TMEM232: variants seen among roughly 807,000 people sequenced by gnomAD.
The protein encoded by TMEM232 is transmembrane protein 232.
Under a neutral mutation model 78.8 loss-of-function variants are expected in TMEM232, and 80 were observed. That is an observed-to-expected ratio of 1.01 (90% confidence interval 0.85 to 1.22). The LOEUF is 1.22. Among genes scored for constraint, TMEM232 ranks in the 50% most tolerant of loss-of-function variants. TMEM232 has a pLI of 0.00. For synonymous variants in TMEM232, 297 were observed against 254.3 expected (o/e 1.17, Z -1.60); for missense variants, 881 against 742.2 (o/e 1.19, Z -2.17).
chr5:110,480,828 T>C (rs1413982771), intron 12 of TMEM232, among the ~76,000 whole-genome samples: 1 of 152,080 alleles, frequency 6.6e-6, no homozygotes, highest in Non-Finnish European at 1.5e-5. Flanking sequence ...ACAAGAAACA[T>C]AAATATCAAC....
At chr5:110,705,064 T>C (rs936285760) in intron 1 of TMEM232, among the ~76,000 whole-genome samples, 1 of 152,134 alleles carries the variant, frequency 6.6e-6, no homozygotes, top group Non-Finnish European at 1.5e-5. Flanking sequence ...TGAAAAGCCT[T>C]TTGGCATATC....
intron 12 of TMEM232, among the ~76,000 whole-genome samples, chr5:110,484,285 G>A (rs906172416): frequency 1.3e-5 from 2 of 151,922 alleles, no homozygotes; most frequent in Non-Finnish European, 2.9e-5. Context: ...ACCTGCACAC[G>A]TAGCCCCTGA....
intron 10 of TMEM232, among the ~76,000 whole-genome samples, chr5:110,575,525 T>C (rs1777473367): frequency 6.6e-6 from 1 of 152,064 alleles, no homozygotes; most frequent in South Asian, 2.1e-4. Flanking sequence ...GTGGCCAAGA[T>C]GGCTGACTAG....
In TMEM232 at chr5:110,500,016, G is replaced by T. The variant is rs191840821; in HGVS notation, c.1703+28572C>A. 4.6e-3 allele frequency among the ~76,000 whole-genome samples: 707 copies of T among 152,218 alleles called. 8 individuals carry two copies. The highest frequency in any genetic ancestry group is 5.1e-3 in the Non-Finnish European group (348 of 68,014). ...TTTTAAAGGTTTAATTATTGGCCAG[G>T]CGCGGTGGCTCACGCCTGTAATCCC... On this transcript the variant is annotated intron_variant, in intron 12 of 13. Coordinates refer to ENST00000455884, the MANE Select transcript of TMEM232 (RefSeq NM_001039763.4).
chr5:110,651,549 G>C (rs1216718792), intron 2 of TMEM232, among the ~76,000 whole-genome samples: 1 of 152,018 alleles, frequency 6.6e-6, no homozygotes, highest in Non-Finnish European at 1.5e-5. Context: ...AGTTCTCTCA[G>C]GGTATTTAAA....
chr5:110,405,426 A>T (rs1307373377), intron 2 of TMEM232, among the ~76,000 whole-genome samples: 1 of 152,058 alleles, frequency 6.6e-6, no homozygotes, highest in Non-Finnish European at 1.5e-5. Context: ...CCCATCACCA[A>T]GAAAAAAAGT....
chr5:110,541,637 T>C (rs946990571), intron 11 of TMEM232, among the ~76,000 whole-genome samples: 12 of 152,110 alleles, frequency 7.9e-5, no homozygotes, highest in Non-Finnish European at 1.3e-4. Context: ...ATCCAAACTC[T>C]AAAGTGAGTG....
chr5:110,639,937 G>A (rs1378353708), intron 4 of TMEM232, among the ~76,000 whole-genome samples: 4 of 152,322 alleles, frequency 2.6e-5, no homozygotes, highest in South Asian at 2.1e-4. Context: ...CCTGTTGTGC[G>A]GCCCAATTCC....
At chr5:110,519,211 G>A (rs1329994673) in intron 12 of TMEM232, among the ~76,000 whole-genome samples, 1 of 152,102 alleles carries the variant, frequency 6.6e-6, no homozygotes, top group African/African-American at 2.4e-5. Context: ...ATTCAGGATT[G>A]ATATTCTAGA....
At chr5:110,690,008 T>G (rs148931015) in intron 1 of TMEM232, among the ~76,000 whole-genome samples, 1 of 152,118 alleles carries the variant, frequency 6.6e-6, no homozygotes, top group Admixed American at 6.5e-5. Context: ...AAAACTTAAA[T>G]GTAAAACCTA....
At chr5:110,724,110 T>C (rs369126433) in intron 1 of TMEM232, among the ~76,000 whole-genome samples, 16 of 152,340 alleles carry the variant, frequency 1.1e-4, no homozygotes, top group African/African-American at 3.6e-4. Flanking sequence ...TTCAAACCTA[T>C]TTCTTCAGTA....
At chr5:110,697,219 T>C (rs1794894928) in intron 1 of TMEM232, among the ~76,000 whole-genome samples, 1 of 152,116 alleles carries the variant, frequency 6.6e-6, no homozygotes, top group Non-Finnish European at 1.5e-5. Flanking sequence ...ATTTAAGAAA[T>C]GGTGCTGGGA....
At chr5:110,733,404 T>C (rs998929586) in intron 2 of TMEM232, among the ~76,000 whole-genome samples, 1 of 152,144 alleles carries the variant, frequency 6.6e-6, no homozygotes, top group African/African-American at 2.4e-5. Flanking sequence ...GTATGTTCAT[T>C]GCACCACTAT....
At chr5:110,502,164 A>G (rs1766335985) in intron 12 of TMEM232, among the ~76,000 whole-genome samples, 1 of 152,204 alleles carries the variant, frequency 6.6e-6, no homozygotes, top group South Asian at 2.1e-4. Context: ...TAATTTAAAA[A>G]TATGGATGTC....
intron 2 of TMEM232, among the ~76,000 whole-genome samples, chr5:110,658,570 C>T (rs1789389896): frequency 6.6e-6 from 1 of 152,072 alleles, no homozygotes; most frequent in African/African-American, 2.4e-5. Flanking sequence ...AACCTACTTC[C>T]TTTTCTAAAT....
At chr5:110,583,718 T>G (rs1778464506) in intron 10 of TMEM232, among the ~76,000 whole-genome samples, 1 of 151,822 alleles carries the variant, frequency 6.6e-6, no homozygotes, top group African/African-American at 2.4e-5. Flanking sequence ...ATGGGGGGAT[T>G]ATATTTGCAG....
At chr5:110,617,351 T>C (rs1783058938) in intron 8 of TMEM232, among the ~76,000 whole-genome samples, 2 of 151,762 alleles carry the variant, frequency 1.3e-5, no homozygotes, top group South Asian at 4.1e-4. Flanking sequence ...GTTCTAGTGA[T>C]CTATTGTGCA....
In TMEM232 at chr5:110,625,376, T is replaced by C. The variant is rs2149934824; in HGVS notation, c.659A>G (p.Gln220Arg). 1.9e-6 allele frequency: 3 copies of C among 1,547,856 alleles called. No homozygotes were observed. The highest frequency in any genetic ancestry group is 2.5e-5 in the East Asian group (1 of 40,712). ...AATTTCCGAGGCTTTCAGGATGAAT[T>C]GCACATTTGAAAAGATGTTTGGATA... ...HKYPNIFSNVQFILKASEIIG... is the reference protein window; with the variant it reads ...HKYPNIFSNVRFILKASEIIG... Residue 220 changes from glutamine to arginine, a missense_variant, in exon 7 of 14, where the codon CAA becomes CGA. Transcript: ENST00000455884.
intron 1 of TMEM232, among the ~76,000 whole-genome samples, chr5:110,688,564 T>A (rs954258662): frequency 8.5e-5 from 13 of 152,208 alleles, no homozygotes; most frequent in Middle Eastern, 3.4e-3. Flanking sequence ...AGTAGAGGCA[T>A]AAAAATCTTC....
Sources: allele counts gnomAD v4.1 joint callset (sites outside exome capture counted in the v4.1 genomes callset), GRCh38; gene constraint gnomAD v4.1.1; transcripts MANE v1.5; gene names NCBI Gene and HGNC (gene_info 2026-07-23, HGNC 2026-07-21).